Variants in ZFAND3 observed in about 807,000 individuals in gnomAD.
The protein encoded by ZFAND3 is AN1-type zinc finger protein 3.
A neutral mutation model predicts 29.6 loss-of-function variants in ZFAND3; 10 were observed. The observed-to-expected ratio is 0.34, with a 90% CI of 0.21 to 0.57. The LOEUF (loss-of-function observed/expected upper bound fraction) is 0.57, where lower values mean the gene tolerates loss of function less well. ZFAND3 is among the 20% of genes least tolerant of loss of function. The probability of loss-of-function intolerance (pLI) is 0.86; values close to 1 mark genes in which losing one functional copy is unlikely to be tolerated. For missense variants in ZFAND3, 230 were observed against 304.5 expected (o/e 0.76, Z 1.82); for synonymous variants, 128 against 112.6 (o/e 1.14, Z -0.87).
At position 37,886,315 on chromosome 6, in the gene ZFAND3, A is replaced by G. The variant is rs543105335; in HGVS notation, c.72-43644A>G. Among the ~76,000 whole-genome samples the G allele has an allele frequency of 2.4e-4, 36 of 151,778 alleles. No individual in the cohort carries two copies. In the Middle Eastern group the frequency reaches 0.01, roughly 43 times the overall value. On this transcript the variant is annotated intron_variant, in intron 1 of 5. Coordinates refer to ENST00000287218, the MANE Select transcript of ZFAND3 (RefSeq NM_021943.3). Reference sequence around the variant, plus strand: ...AATATGCTGTTACTCAACCTTGATTACTACAACCAACCTTAATGACAAAGA... The same window carrying G: ...AATATGCTGTTACTCAACCTTGATTGCTACAACCAACCTTAATGACAAAGA...
chr6:37,857,037 G>A (rs987099635), intron 1 of ZFAND3, among the ~76,000 whole-genome samples: 2 of 151,762 alleles, frequency 1.3e-5, no homozygotes, highest in African/African-American at 4.8e-5. Flanking sequence ...TGACCTCTTG[G>A]GCTCAAGCAA....
intron 1 of ZFAND3, among the ~76,000 whole-genome samples, chr6:37,822,145 C>T (rs1293739538): frequency 1.3e-5 from 2 of 152,162 alleles, no homozygotes; most frequent in African/African-American, 4.8e-5. Context: ...AGCCTTTTAC[C>T]TTTAGCCGGT....
intron 1 of ZFAND3, among the ~76,000 whole-genome samples, chr6:37,834,812 T>TGC (rs1376540637): frequency 6.6e-6 from 1 of 151,398 alleles, no homozygotes; most frequent in Non-Finnish European, 1.5e-5. Context: ...TATGCTCATA[T>TGC]GCATATATCA....
intron 2 of ZFAND3, among the ~76,000 whole-genome samples, chr6:38,030,102 A>C (rs939539037): frequency 1.6e-4 from 16 of 97,278 alleles, no homozygotes; most frequent in African/African-American, 5.8e-4. Flanking sequence ...ATATATATAT[A>C]GCCTGAGAAG....
chr6:38,070,691 A>C (rs1381479444), intron 3 of ZFAND3, among the ~76,000 whole-genome samples: 1 of 152,172 alleles, frequency 6.6e-6, no homozygotes, highest in Non-Finnish European at 1.5e-5. Flanking sequence ...CATGATAAAT[A>C]CATAGAAGAG....
At chr6:38,038,574 A>G (rs1032770756) in intron 2 of ZFAND3, among the ~76,000 whole-genome samples, 1 of 152,186 alleles carries the variant, frequency 6.6e-6, no homozygotes, top group Admixed American at 6.5e-5. Context: ...ATTCTGAGGC[A>G]GGGTCTCTAA....
At chr6:37,869,095 T>G (rs1296004474) in intron 1 of ZFAND3, among the ~76,000 whole-genome samples, 2 of 152,236 alleles carry the variant, frequency 1.3e-5, no homozygotes, top group Admixed American at 1.3e-4. Flanking sequence ...TTGTCAGATT[T>G]TTTTGGCATA....
intron 1 of ZFAND3, among the ~76,000 whole-genome samples, chr6:37,893,209 C>T (rs1168947188): frequency 2.6e-5 from 4 of 152,074 alleles, no homozygotes; most frequent in Non-Finnish European, 5.9e-5. Flanking sequence ...GCTAGTAAAC[C>T]AAATCAGAGA....
At chr6:37,944,744 G>A (rs1761871533) in intron 2 of ZFAND3, among the ~76,000 whole-genome samples, 1 of 152,190 alleles carries the variant, frequency 6.6e-6, no homozygotes, top group Admixed American at 6.5e-5. Context: ...ATACCAGTGG[G>A]CTGGGGGAGG....
At position 38,135,263 on chromosome 6, in the gene ZFAND3, C is replaced by T. The variant is rs547320291; in HGVS notation, c.530-16972C>T. 7.5e-4 allele frequency among the ~76,000 whole-genome samples: 114 copies of T among 152,302 alleles called. 1 individual carries two copies. The highest frequency in any genetic ancestry group is 1.3e-3 in the Non-Finnish European group (91 of 68,030). ...GATAGTTGAGACTGACCATGAAATA[C>T]TACAGCAAAGTTCAGAGGCAAAAAA... On this transcript the variant is annotated intron_variant, in intron 5 of 5. Transcript: ENST00000287218.
intron 2 of ZFAND3, among the ~76,000 whole-genome samples, chr6:37,937,526 A>G (rs1372378566): frequency 6.6e-6 from 1 of 151,982 alleles, no homozygotes; most frequent in African/African-American, 2.4e-5. Flanking sequence ...CTGGTGGCAC[A>G]TGCCTGTAAT....
chr6:37,972,697 A>G (rs114244652), intron 2 of ZFAND3, among the ~76,000 whole-genome samples: 1 of 143,296 alleles, frequency 7.0e-6, no homozygotes, highest in Non-Finnish European at 1.5e-5. Context: ...AGGCCTATTA[A>G]TTTTTTTTTT....
intron 1 of ZFAND3, among the ~76,000 whole-genome samples, chr6:37,848,747 CTT>C (rs1764226332): frequency 6.6e-6 from 1 of 152,016 alleles, no homozygotes; most frequent in South Asian, 2.1e-4. Context: ...AAAGAAAAAA[CTT>C]GGGAGGGTTG....
intron 1 of ZFAND3, among the ~76,000 whole-genome samples, chr6:37,843,142 T>C (rs573397768): frequency 6.7e-6 from 1 of 149,580 alleles, no homozygotes; most frequent in South Asian, 2.1e-4. Flanking sequence ...AAAAAAAATC[T>C]TAATTTCTTA....
intron 1 of ZFAND3, among the ~76,000 whole-genome samples, chr6:37,925,584 A>T (rs1010964613): frequency 7.2e-5 from 11 of 151,922 alleles, no homozygotes; most frequent in African/African-American, 2.7e-4. Flanking sequence ...GGCGCCTGTA[A>T]TCCCAGCTAC....
At chr6:38,025,609 G>C (rs1037757559) in intron 2 of ZFAND3, among the ~76,000 whole-genome samples, 3 of 152,086 alleles carry the variant, frequency 2.0e-5, no homozygotes, top group Non-Finnish European at 4.4e-5. Context: ...TTAAACAGAA[G>C]ACTAGTTTGG....
intron 3 of ZFAND3, among the ~76,000 whole-genome samples, chr6:38,080,337 T>C (rs1764637148): frequency 6.6e-6 from 1 of 151,622 alleles, no homozygotes; most frequent in African/African-American, 2.4e-5. Flanking sequence ...TATAATCTGT[T>C]ACTCTTCTGA....
chr6:37,951,748 A>G (rs1032856783), intron 2 of ZFAND3, among the ~76,000 whole-genome samples: 4 of 152,030 alleles, frequency 2.6e-5, no homozygotes, highest in African/African-American at 4.8e-5. Flanking sequence ...GAGTGCTGAG[A>G]GTGGGCATCC....
chr6:38,031,794 C>G (rs1763565296), intron 2 of ZFAND3, among the ~76,000 whole-genome samples: 1 of 152,102 alleles, frequency 6.6e-6, no homozygotes, highest in Non-Finnish European at 1.5e-5. Flanking sequence ...CTTTGTTATG[C>G]ATATGTAGAC....
Sources: allele counts gnomAD v4.1 joint callset (sites outside exome capture counted in the v4.1 genomes callset), GRCh38; gene constraint gnomAD v4.1.1; transcripts MANE v1.5; gene names NCBI Gene and HGNC (gene_info 2026-07-23, HGNC 2026-07-21).